The following PHRF1 variants were observed in gnomAD, a reference collection of about 807,000 sequenced individuals.
The protein encoded by PHRF1 is PHD and ring finger domains 1.
In PHRF1, 53 loss-of-function variants were observed where a neutral mutation model predicts 128.9. That is an observed-to-expected ratio of 0.41 (90% CI 0.33 to 0.52). The LOEUF (loss-of-function observed/expected upper bound fraction) is 0.52. Among genes scored for constraint, PHRF1 ranks in the 20% least tolerant of loss-of-function variants. The pLI is 0.21. For missense variants in PHRF1, 2,503 were observed against 2,284.5 expected (o/e 1.10, Z -1.95); for synonymous variants, 1,178 against 980.6 (o/e 1.20, Z -3.76).
intron 9 of PHRF1, among the ~76,000 whole-genome samples, chr11:600,782 C>G (rs1023455513): frequency 1.3e-5 from 2 of 151,768 alleles, no homozygotes; most frequent in Non-Finnish European, 2.9e-5. Context: ...CTGGCTAACA[C>G]GGTGAAACCC....
In PHRF1 at chr11:608,333, G is replaced by C; in HGVS notation, c.2877G>C (p.Thr959=). The change falls in exon 14 of 18, where the codon ACG becomes ACC. Residue 959 remains threonine, a synonymous_variant. Coordinates refer to ENST00000264555, the MANE Select transcript of PHRF1 (RefSeq NM_001286581.2). ...CSTFFGSEER[T]VTCVTVVEPE... is the part of the protein sequence containing the mutation. ...CCTTCTTTGGCTCTGAGGAGCGGAC[G>C]GTGACCTGTGTGACTGTCGTGGAGC... The C allele has an allele frequency of 3.7e-6, 6 of 1,609,694 alleles. No individual in the cohort carries two copies. The highest frequency in any genetic ancestry group is 5.1e-6 in the Non-Finnish European group (6 of 1,178,892).
intron 10 of PHRF1, among the ~76,000 whole-genome samples, chr11:604,345 C>T (rs1490603077): frequency 6.6e-6 from 1 of 152,242 alleles, no homozygotes; most frequent in Non-Finnish European, 1.5e-5. Context: ...GGAGGGGCGA[C>T]GCCTGCCTTC....
chr11:610,103 C>G, intron 14 of PHRF1, 93 bp from the exon 15 acceptor site: 1 of 1,428,284 alleles, frequency 7.0e-7, no homozygotes, highest in Admixed American at 2.8e-5. Context: ...GGTCCTTGCT[C>G]CTGGTGCTTT....
intron 9 of PHRF1, among the ~76,000 whole-genome samples, chr11:599,589 G>A (rs374225089): frequency 3.2e-4 from 48 of 152,204 alleles, no homozygotes; most frequent in African/African-American, 9.9e-4. Flanking sequence ...GAATGCACTC[G>A]CTTTAGTGTG....
chr11:598,507 GCCTGAAGGGATGGACTCT>G lies in PHRF1; in HGVS notation c.1024+8_1024+25del. 1.2e-6 allele frequency: 2 copies of G among 1,606,232 alleles called. No individual in the cohort carries two copies. Among genetic ancestry groups the G allele is most frequent in the Non-Finnish European group, 1.7e-6 (2 of 1,178,470 alleles). On this transcript the variant is annotated splice_donor_region_variant and intron_variant, in intron 9 of 17. Transcript: ENST00000264555. ...CCCGACGGAAGAGGAAGACAAGTAA[GCCTGAAGGGATGGACTCT>G]CCCGCCAGCCACAGGCTGGGACCCA... is the stretch of plus-strand genomic sequence containing the variant.
intron 4 of PHRF1, among the ~76,000 whole-genome samples, chr11:589,405 C>T (rs1483356093): frequency 6.6e-6 from 1 of 152,106 alleles, no homozygotes; most frequent in Non-Finnish European, 1.5e-5. Context: ...GAAGTCAACA[C>T]AGGAGGACAG....
chr11:579,490 T>C (rs1854088065), intron 1 of PHRF1, among the ~76,000 whole-genome samples: 3 of 152,306 alleles, frequency 2.0e-5, no homozygotes, highest in Middle Eastern at 3.4e-3. Context: ...GGTCCTCTTA[T>C]CTGAGAGCTG....
intron 10 of PHRF1, among the ~76,000 whole-genome samples, chr11:604,430 A>G (rs1425008812): frequency 6.6e-6 from 1 of 152,170 alleles, no homozygotes; most frequent in East Asian, 1.9e-4. Context: ...ACAGCTAGTA[A>G]CTCTTAGGGT....
chr11:598,303 C>G, intron 8 of PHRF1, 70 bp from the exon 9 acceptor site: 1 of 1,541,006 alleles, frequency 6.5e-7, no homozygotes, highest in Non-Finnish European at 8.7e-7. Flanking sequence ...GTTCTGGGCT[C>G]CATTTGGGGT....
chr11:586,531 A>G (rs1854574255), intron 3 of PHRF1, among the ~76,000 whole-genome samples: 1 of 152,168 alleles, frequency 6.6e-6, no homozygotes, highest in Admixed American at 6.5e-5. Context: ...GGAACCTGCC[A>G]CCCACACCGA....
rs541664256 is a variant in PHRF1, at chr11:597,639, G to A, written c.894+69G>A. ...CCAGAGTGATCTCGGCAGTCTGGGT[G>A]GGTGGGAGGGGCGTCGTCGGCACTG... On this transcript the variant is annotated intron_variant, in intron 8 of 17. Transcript: ENST00000264555. This position sits in a 1 kb window ranked among gnomAD's most constrained non-coding sequence, Gnocchi z 6.5. The A allele has an allele frequency of 1.7e-4, 262 of 1,510,072 alleles. 1 individual carries two copies. In the African/African-American group the frequency reaches 3.2e-3, roughly 18 times the overall value. 93.5% of individuals were successfully genotyped at this position (1,510,072 alleles called of 1,614,324 possible).
chr11:605,205 G>A lies in PHRF1; in HGVS notation c.1239G>A (p.Lys413=). Residue 413 remains lysine, a synonymous_variant, in exon 11 of 18, where the codon AAG becomes AAA. Transcript: ENST00000264555. ...GCAGCTGCATCCCGTCAGTGTTGAA[G>A]CCAGTGGAGCCCTCTTTGGGGCTGC... ...VHSSCIPSVL[K]PVEPSLGLLR... The A allele has an allele frequency of 6.2e-7, 1 of 1,613,602 alleles. No homozygotes were observed. The highest frequency in any genetic ancestry group is 8.5e-7 in the Non-Finnish European group (1 of 1,179,880).
Position 597,038 on chromosome 11 carries a change from G to A in PHRF1, c.718+18G>A, listed in dbSNP as rs746869134. On this transcript the variant is annotated intron_variant, in intron 7 of 17. Transcript: ENST00000264555. The surrounding 1 kb of genome is among the most constrained non-coding windows in gnomAD (Gnocchi z 6.5). ...TGCCGCTGGTAAGGACACTGCTCCCGTCCCAAGGCGCACATGGGCCTTCTC... is the reference window on the plus strand; with the variant it reads ...TGCCGCTGGTAAGGACACTGCTCCCATCCCAAGGCGCACATGGGCCTTCTC... 66 of 1,611,846 alleles carry A rather than the reference G, an allele frequency of 4.1e-5. No individual in the cohort carries two copies. In the Middle Eastern group the frequency reaches 4.9e-4, roughly 12 times the overall value.
chr11:595,413 G>A (rs1234069981), intron 6 of PHRF1, among the ~76,000 whole-genome samples: 2 of 152,218 alleles, frequency 1.3e-5, no homozygotes, highest in African/African-American at 4.8e-5. Context: ...AAAAGTGTGT[G>A]TTCACCAGGG....
At position 606,596 on chromosome 11, in the gene PHRF1, G is replaced by A. The variant is rs1855959605; in HGVS notation, c.1609G>A (p.Ala537Thr). 7 of 1,598,728 alleles carry A rather than the reference G, an allele frequency of 4.4e-6. No individual in the cohort carries two copies. The highest frequency in any genetic ancestry group is 2.7e-5 in the African/African-American group (2 of 74,712). Reference sequence around the variant, plus strand: ...CGGCTCCCTCAGCGCCAAGAGGGCGGGTGAGTGCCTTCCCTGCCACGGCCC... The same window carrying A: ...CGGCTCCCTCAGCGCCAAGAGGGCGAGTGAGTGCCTTCCCTGCCACGGCCC... ...RDGSLSAKRA[A>T]PVSFQRNSGS... Residue 537 changes from alanine (A) to threonine (T), a missense_variant and splice_region_variant, in exon 13 of 18, where the codon GCT becomes ACT. By Grantham distance (58) the Ala-to-Thr change is moderately conservative. Transcript: ENST00000264555.
chr11:587,353 T>A lies in PHRF1; in HGVS notation c.309T>A (p.Asp103Glu), dbSNP rs775418220. 6.2e-7 allele frequency: 1 copy of A among 1,613,852 alleles called. No individual in the cohort carries two copies. Among genetic ancestry groups the A allele is most frequent in the Admixed American group, 1.7e-5 (1 of 60,030 alleles). Residue 103 changes from aspartate (D) to glutamate (E), a missense_variant, in exon 4 of 18, where the codon GAT becomes GAA. By Grantham distance (45) the Asp-to-Glu change is conservative. Coordinates refer to ENST00000264555, the MANE Select transcript of PHRF1 (RefSeq NM_001286581.2). The stretch of plus-strand genomic sequence containing the variant: ...CCGCTGGCTCTTTCAATTCTGATGA[T>A]GATGCAGAGAGCTGCCCAATCTGTC... Reference protein sequence around the residue: ...LEAAGSFNSDDDAESCPICLN... With the variant: ...LEAAGSFNSDEDAESCPICLN...
intron 9 of PHRF1, among the ~76,000 whole-genome samples, chr11:599,038 C>T (rs927489850): frequency 1.3e-5 from 2 of 152,178 alleles, no homozygotes; most frequent in Admixed American, 1.3e-4. Context: ...TAACGGGCCG[C>T]TCCTGGGGAG....
intron 3 of PHRF1, among the ~76,000 whole-genome samples, chr11:582,368 G>C (rs1854259078): frequency 6.6e-6 from 1 of 150,928 alleles, no homozygotes; most frequent in South Asian, 2.1e-4. Flanking sequence ...GGGTTCAAGT[G>C]ATTCTCCTGG....
At chr11:606,273 C>T (rs905822311) in intron 12 of PHRF1, among the ~76,000 whole-genome samples, 169 bp from the exon 13 acceptor site, 2 of 152,216 alleles carry the variant, frequency 1.3e-5, no homozygotes, top group African/African-American at 2.4e-5. Flanking sequence ...TCTGGGAGGC[C>T]CCGGTGAGCA....
Sources: gnomAD v4.1 joint callset for allele counts (sites outside exome capture counted in the v4.1 genomes callset) on GRCh38, gnomAD v4.1.1 for gene constraint, Gnocchi (gnomAD v3.1) non-coding constraint, MANE v1.5 for transcripts, NCBI Gene and HGNC (gene_info 2026-07-23, HGNC 2026-07-21) for gene names.